The following RBM33 variants were observed in gnomAD, a reference collection of about 807,000 sequenced individuals.
RBM33 encodes RNA binding motif protein 33.
Under a neutral mutation model 132.6 loss-of-function variants are expected in RBM33, and 28 were observed. The ratio of observed to expected loss-of-function variants is 0.21; its 90% CI spans 0.16 to 0.29. The LOEUF (loss-of-function observed/expected upper bound fraction) is 0.29. Ranked by LOEUF, RBM33 falls within the 10% of genes least tolerant of loss-of-function variation. The pLI is 1.00. For missense variants in RBM33, 1,291 were observed against 1,518.5 expected (o/e 0.85, Z 2.49); for synonymous variants, 634 against 593.0 (o/e 1.07, Z -1.01).
At chr7:155,706,225 C>T (rs1800108511) in intron 6 of RBM33, among the ~76,000 whole-genome samples, 1 of 152,326 alleles carries the variant, frequency 6.6e-6, no homozygotes, top group East Asian at 1.9e-4. Context: ...GGCGCGGTGG[C>T]TCACGCCTGT....
chr7:155,654,400 T>C (rs1798437343), intron 1 of RBM33, among the ~76,000 whole-genome samples: 1 of 152,226 alleles, frequency 6.6e-6, no homozygotes, highest in Non-Finnish European at 1.5e-5. Flanking sequence ...AGTTCTTGCT[T>C]CTTGCTACTA....
At chr7:155,773,204 G>A (rs1368121224) in intron 16 of RBM33, among the ~76,000 whole-genome samples, 2 of 152,164 alleles carry the variant, frequency 1.3e-5, no homozygotes, top group East Asian at 1.9e-4. Context: ...AGTGCCTGCT[G>A]AATGCAGTCC....
intron 16 of RBM33, among the ~76,000 whole-genome samples, chr7:155,769,169 A>G (rs1469999683): frequency 6.6e-6 from 1 of 152,246 alleles, no homozygotes; most frequent in African/African-American, 2.4e-5. Context: ...ATGTTTCAGA[A>G]ATTGTAACTT....
rs1563189283 is a variant in RBM33 at position 155,778,512 on chromosome 7, CAGGGGAGG to C, written c.*3472_*3479del. 5.3e-5 allele frequency: 8 copies of C among 152,206 alleles called. No homozygotes were observed. Among genetic ancestry groups the C allele is most frequent in the African/African-American group, 1.7e-4 (7 of 41,406 alleles). 9.4% of individuals were successfully genotyped at this position (152,206 alleles called of 1,614,324 possible). A position where few individuals can be genotyped will look rare whatever the true frequency, so the allele number is the denominator to read the frequency against. On this transcript the variant is annotated 3_prime_UTR_variant, in exon 18 of 18. Coordinates refer to ENST00000401878, the MANE Select transcript of RBM33 (RefSeq NM_053043.3). The surrounding 1 kb of genome is among the most constrained non-coding windows in gnomAD (Gnocchi z 4.0). The stretch of plus-strand genomic sequence containing the variant: ...ACTTGCTTCTAACACACTGGCTTAT[CAGGGGAGG>C]TCATCCAGTCCGGTCGGTGGAGTTG...
At position 155,684,862 on chromosome 7, in the gene RBM33, A is replaced by T. The variant is rs180889169; in HGVS notation, c.567+3954A>T. The T allele has an allele frequency of 1.6e-5, 24 of 1,477,374 alleles. No homozygotes were observed. The East Asian group carries it at 5.7e-4, about 35-fold the overall frequency. The allele number at this position is 1,477,374 out of a possible 1,614,324, so 91.5% of individuals were successfully genotyped here. On this transcript the variant is annotated intron_variant, in intron 5 of 17. Coordinates refer to ENST00000401878, the MANE Select transcript of RBM33 (RefSeq NM_053043.3). ...CAATTATTAAGCATGAATCATAAAGACGAAAAGTACGTAAAAAAACCACCC... is the reference window on the plus strand; with the variant it reads ...CAATTATTAAGCATGAATCATAAAGTCGAAAAGTACGTAAAAAAACCACCC...
chr7:155,674,791 A>T (rs1237802873), intron 3 of RBM33, among the ~76,000 whole-genome samples: 1 of 152,190 alleles, frequency 6.6e-6, no homozygotes, highest in East Asian at 1.9e-4. Context: ...GAGGGGCTGT[A>T]TCTGCTTTGG....
chr7:155,740,238 G>A (rs1239725147), intron 12 of RBM33, among the ~76,000 whole-genome samples: 1 of 152,182 alleles, frequency 6.6e-6, no homozygotes, highest in Admixed American at 6.5e-5. Flanking sequence ...TACTCCTTTT[G>A]TGTCTCAAAG....
At chr7:155,690,565 A>G (rs537174154) in intron 5 of RBM33, among the ~76,000 whole-genome samples, 7 of 152,178 alleles carry the variant, frequency 4.6e-5, no homozygotes, top group African/African-American at 1.4e-4. Flanking sequence ...CCTAGTATCG[A>G]TGGTCTTTAC....
At chr7:155,749,114 A>G (rs187766551) in intron 14 of RBM33, among the ~76,000 whole-genome samples, 1 of 152,156 alleles carries the variant, frequency 6.6e-6, no homozygotes, top group East Asian at 1.9e-4. Flanking sequence ...CCGAACAATC[A>G]TTTCATTTTT....
At chr7:155,717,854 T>C (rs1470187032) in intron 8 of RBM33, among the ~76,000 whole-genome samples, 1 of 152,216 alleles carries the variant, frequency 6.6e-6, no homozygotes, top group Non-Finnish European at 1.5e-5. Flanking sequence ...CTAAAAGCCT[T>C]GGCATAGGGG....
chr7:155,717,597 C>T (rs1413519094), intron 8 of RBM33, among the ~76,000 whole-genome samples: 10 of 152,002 alleles, frequency 6.6e-5, no homozygotes, highest in African/African-American at 2.4e-4. Flanking sequence ...CTGAGAGCTT[C>T]CTAGGTGTAT....
chr7:155,756,399 A>G (rs1461597333), intron 14 of RBM33, among the ~76,000 whole-genome samples: 2 of 152,186 alleles, frequency 1.3e-5, no homozygotes, highest in African/African-American at 4.8e-5. Flanking sequence ...TATGTAATCA[A>G]TTTGTTTCTC....
At chr7:155,769,767 T>A (rs1802353620) in intron 16 of RBM33, among the ~76,000 whole-genome samples, 1 of 151,826 alleles carries the variant, frequency 6.6e-6, no homozygotes, top group African/African-American at 2.4e-5. Context: ...CTGAGTTGTT[T>A]TGAAGTTTGG....
At chr7:155,723,710 A>G (rs143114752) in intron 9 of RBM33, among the ~76,000 whole-genome samples, 1 of 152,348 alleles carries the variant, frequency 6.6e-6, no homozygotes, top group East Asian at 1.9e-4. Context: ...GTTCAAGTCC[A>G]TGCTAATTAG....
At chr7:155,735,778 T>C (rs1274350824) in intron 9 of RBM33, among the ~76,000 whole-genome samples, 1 of 152,124 alleles carries the variant, frequency 6.6e-6, no homozygotes, top group Non-Finnish European at 1.5e-5. Context: ...CAAAGCATTA[T>C]ATCAGTGAAT....
chr7:155,672,744 C>CAA lies in RBM33; in HGVS notation c.123-103_123-102dup, dbSNP rs559042068. On this transcript the variant is annotated intron_variant, in intron 2 of 17. Coordinates refer to ENST00000401878, the MANE Select transcript of RBM33 (RefSeq NM_053043.3). ...TGGGCAACACGGTGAGGCTTTGTCTCAAAAAAAAAAAAAAAAAAAAAGGTA... is the reference window on the plus strand; with the variant it reads ...TGGGCAACACGGTGAGGCTTTGTCTCAAAAAAAAAAAAAAAAAAAAAAAGGTA... 2.5e-3 allele frequency: 888 copies of CAA among 351,292 alleles called. 12 individuals carry two copies. Among genetic ancestry groups the CAA allele is most frequent in the African/African-American group, 0.017 (631 of 36,192 alleles). 21.8% of individuals were successfully genotyped at this position (351,292 alleles called of 1,614,324 possible).
intron 1 of RBM33, among the ~76,000 whole-genome samples, chr7:155,659,523 A>G (rs1247308476): frequency 1.3e-5 from 2 of 152,122 alleles, no homozygotes; most frequent in Admixed American, 6.5e-5. Context: ...TTGAAGGTCA[A>G]TTGAGATGAT....
chr7:155,679,634 T>C (rs1161513521), intron 4 of RBM33, among the ~76,000 whole-genome samples: 2 of 152,240 alleles, frequency 1.3e-5, no homozygotes, highest in Non-Finnish European at 2.9e-5. Context: ...GTAACAGATT[T>C]TCTAACATAA....
At chr7:155,724,990 T>TTGTG (rs56739117) in intron 9 of RBM33, among the ~76,000 whole-genome samples, 7,888 of 123,076 alleles carry the variant, frequency 0.064, 286 homozygotes, top group Admixed American at 0.11. Flanking sequence ...GTGTACAGGT[T>TTGTG]TGTGTGTGTG....
Sources: gnomAD v4.1 joint callset for allele counts (sites outside exome capture counted in the v4.1 genomes callset) on GRCh38, gnomAD v4.1.1 for gene constraint, Gnocchi (gnomAD v3.1) non-coding constraint, MANE v1.5 for transcripts, NCBI Gene and HGNC (gene_info 2026-07-23, HGNC 2026-07-21) for gene names.